BAIAP2L1: variants seen among roughly 807,000 people sequenced by gnomAD.
BAIAP2L1 encodes BAR/IMD domain-containing adapter protein 2-like 1.
A neutral mutation model predicts 66.3 loss-of-function variants in BAIAP2L1; 35 were observed. The ratio of observed to expected loss-of-function variants is 0.53; its 90% confidence interval spans 0.40 to 0.70. BAIAP2L1 has a LOEUF of 0.70. Among genes scored for constraint, BAIAP2L1 ranks in the 30% least tolerant of loss-of-function variants. BAIAP2L1 has a pLI of 0.00. For missense variants in BAIAP2L1, 622 were observed against 656.9 expected (o/e 0.95, Z 0.58); for synonymous variants, 269 against 248.7 (o/e 1.08, Z -0.77).
At chr7:98,359,522 C>T (rs1310339933) in intron 2 of BAIAP2L1, among the ~76,000 whole-genome samples, 6 of 152,166 alleles carry the variant, frequency 3.9e-5, no homozygotes, top group African/African-American at 1.4e-4. Context: ...CCGCCCGCTT[C>T]GGCCTCCCAG....
chr7:98,372,941 T>C (rs1479187061), intron 1 of BAIAP2L1, among the ~76,000 whole-genome samples: 1 of 152,152 alleles, frequency 6.6e-6, no homozygotes, highest in African/African-American at 2.4e-5. Context: ...GGTTTCGCCA[T>C]GTTGGCCAGG....
At chr7:98,317,499 CCCCACA>C (rs1389298175) in intron 5 of BAIAP2L1, 143 bp from the exon 6 acceptor site, 3 of 1,011,566 alleles carry the variant, frequency 3.0e-6, no homozygotes, top group African/African-American at 1.6e-5. Context: ...TGGCTGGGGC[CCCCACA>C]CCCACACCAG....
At chr7:98,341,992 T>C (rs1230179920) in intron 3 of BAIAP2L1, among the ~76,000 whole-genome samples, 2 of 151,938 alleles carry the variant, frequency 1.3e-5, no homozygotes, top group African/African-American at 4.8e-5. Flanking sequence ...ATTTGTAATA[T>C]TGTTGTGAAT....
intron 1 of BAIAP2L1, among the ~76,000 whole-genome samples, chr7:98,388,145 G>A (rs1050394740): frequency 4.6e-5 from 7 of 152,090 alleles, no homozygotes; most frequent in Admixed American, 6.6e-5. Context: ...CCTACGATGC[G>A]CCAGATGCTA....
chr7:98,367,723 G>A (rs1414966919), intron 1 of BAIAP2L1, among the ~76,000 whole-genome samples: 3 of 151,890 alleles, frequency 2.0e-5, no homozygotes, highest in Non-Finnish European at 2.9e-5. Context: ...TTTTAGTAGA[G>A]ACGGGTTTCA....
intron 3 of BAIAP2L1, among the ~76,000 whole-genome samples, chr7:98,328,862 C>T (rs1222017653): frequency 2.0e-5 from 3 of 152,140 alleles, no homozygotes; most frequent in East Asian, 1.9e-4. Flanking sequence ...ACACTCAGCT[C>T]GACACTTCTG....
At chr7:98,345,182 A>C (rs985543402) in intron 3 of BAIAP2L1, among the ~76,000 whole-genome samples, 2 of 152,210 alleles carry the variant, frequency 1.3e-5, no homozygotes, top group East Asian at 3.9e-4. Context: ...CAACCAGCCT[A>C]ACATGGAAGA....
At chr7:98,393,350 G>A (rs563212543) in intron 1 of BAIAP2L1, among the ~76,000 whole-genome samples, 4 of 151,030 alleles carry the variant, frequency 2.6e-5, no homozygotes, top group Admixed American at 6.6e-5. Context: ...CCATGAAAGG[G>A]TTTTATTACA....
chr7:98,344,496 T>G (rs1238270972), intron 3 of BAIAP2L1, among the ~76,000 whole-genome samples: 1 of 152,180 alleles, frequency 6.6e-6, no homozygotes, highest in Non-Finnish European at 1.5e-5. Context: ...CCTTTTATTT[T>G]AAGGAGGAAA....
chr7:98,308,361 G>T, intron 9 of BAIAP2L1: 1 of 445,256 alleles, frequency 2.2e-6, no homozygotes, highest in South Asian at 1.6e-5. Flanking sequence ...CATGCTGGCC[G>T]CTCAGCTTCT....
intron 3 of BAIAP2L1, among the ~76,000 whole-genome samples, chr7:98,342,315 C>G (rs1801761242): frequency 6.6e-6 from 1 of 152,048 alleles, no homozygotes; most frequent in African/African-American, 2.4e-5. Context: ...TCCCAAAGTG[C>G]TAGGATTACA....
intron 3 of BAIAP2L1, among the ~76,000 whole-genome samples, chr7:98,326,505 G>A (rs538349798): frequency 2.6e-4 from 39 of 152,160 alleles, no homozygotes; most frequent in Non-Finnish European, 4.1e-4. Flanking sequence ...TATGCCACAA[G>A]AGCCGGCTTG....
intron 1 of BAIAP2L1, among the ~76,000 whole-genome samples, chr7:98,382,470 A>G (rs1381146393): frequency 1.3e-5 from 2 of 152,106 alleles, no homozygotes; most frequent in Non-Finnish European, 2.9e-5. Context: ...ACACAGGGAG[A>G]CTGTGTCTCT....
At chr7:98,398,673 G>A (rs530471284) in intron 1 of BAIAP2L1, among the ~76,000 whole-genome samples, 34 of 152,062 alleles carry the variant, frequency 2.2e-4, no homozygotes, top group Non-Finnish European at 3.7e-4. Flanking sequence ...TTTCCCTGCC[G>A]TTTCCGTTCT....
intron 5 of BAIAP2L1, among the ~76,000 whole-genome samples, chr7:98,318,643 G>A (rs908596355): frequency 2.6e-5 from 4 of 151,720 alleles, no homozygotes; most frequent in African/African-American, 9.7e-5. Flanking sequence ...AATCTGTGAA[G>A]TGCAGATAAG....
intron 5 of BAIAP2L1, among the ~76,000 whole-genome samples, chr7:98,317,559 C>T (rs545335689): frequency 2.7e-5 from 4 of 150,640 alleles, no homozygotes; most frequent in South Asian, 2.1e-4. Context: ...GCCCACACTT[C>T]GCACCATCCT....
intron 1 of BAIAP2L1, among the ~76,000 whole-genome samples, chr7:98,387,257 T>G (rs1353795583): frequency 6.6e-6 from 1 of 152,200 alleles, no homozygotes; most frequent in South Asian, 2.1e-4. Context: ...GTCACAGCTA[T>G]AAACTCTGGA....
chr7:98,296,337 T>C (rs569423617), intron 12 of BAIAP2L1, among the ~76,000 whole-genome samples: 77 of 152,318 alleles, frequency 5.1e-4, no homozygotes, highest in Admixed American at 1.2e-3. Flanking sequence ...CTTTAAAATA[T>C]GTATTGGGCC....
At chr7:98,332,447 G>T (rs1409904717) in intron 3 of BAIAP2L1, among the ~76,000 whole-genome samples, 1 of 137,802 alleles carries the variant, frequency 7.3e-6, no homozygotes, top group Non-Finnish European at 1.5e-5. Context: ...CACCTTTTCA[G>T]TGAGGTACAA....
Sources: allele counts gnomAD v4.1 joint callset (sites outside exome capture counted in the v4.1 genomes callset), GRCh38; gene constraint gnomAD v4.1.1; transcripts MANE v1.5; gene names NCBI Gene and HGNC (gene_info 2026-07-23, HGNC 2026-07-21).